The following ZNF98 variants were observed in gnomAD, a reference collection of about 807,000 sequenced individuals.
The protein encoded by ZNF98 is zinc finger protein 98.
ZNF98 carries 8 observed loss-of-function variants against 12.8 expected under a neutral mutation model. The ratio of observed to expected loss-of-function variants is 0.63; its 90% CI spans 0.37 to 1.13. ZNF98 has a LOEUF of 1.13. ZNF98 is among the 50% of genes most tolerant of loss of function. The pLI, the probability that ZNF98 is intolerant of heterozygous loss-of-function variation, is 0.01. For synonymous variants in ZNF98, 112 were observed against 223.5 expected (o/e 0.50, Z 4.45); for missense variants, 379 against 666.1 (o/e 0.57, Z 4.74).
intron 3 of ZNF98, among the ~76,000 whole-genome samples, chr19:22,399,973 G>T (rs188075119): frequency 9.8e-5 from 15 of 152,316 alleles, no homozygotes; most frequent in Non-Finnish European, 1.9e-4. Flanking sequence ...GGAGGGAGTT[G>T]TGAAACTCTG....
At chr19:22,397,644 C>T (rs1357141990) in intron 3 of ZNF98, among the ~76,000 whole-genome samples, 1 of 148,064 alleles carries the variant, frequency 6.8e-6, no homozygotes, top group African/African-American at 2.5e-5. Context: ...AAACAACACA[C>T]TCTTGAGCAT....
chr19:22,410,516 C>T (rs534938758), intron 1 of ZNF98, among the ~76,000 whole-genome samples: 4 of 152,082 alleles, frequency 2.6e-5, no homozygotes, highest in Admixed American at 2.0e-4. Flanking sequence ...AACCAAAAAC[C>T]GCATGTTCTC....
At chr19:22,412,424 G>A (rs1267416530) in intron 1 of ZNF98, among the ~76,000 whole-genome samples, 1 of 152,114 alleles carries the variant, frequency 6.6e-6, no homozygotes, top group Non-Finnish European at 1.5e-5. Context: ...AGCTAAGGCA[G>A]TGTTAGGAGA....
chr19:22,412,736 A>G (rs1969593051), intron 1 of ZNF98, among the ~76,000 whole-genome samples: 2 of 151,972 alleles, frequency 1.3e-5, no homozygotes, highest in African/African-American at 4.8e-5. Context: ...AGTAGGGTTT[A>G]TTTTTGGGAT....
At chr19:22,408,353 A>G (rs1969545161) in intron 1 of ZNF98, among the ~76,000 whole-genome samples, 1 of 152,198 alleles carries the variant, frequency 6.6e-6, no homozygotes, top group Non-Finnish European at 1.5e-5. Context: ...GAATGGGAAA[A>G]TGCTGGAAGC....
At chr19:22,414,821 C>A (rs1969622279) in intron 1 of ZNF98, among the ~76,000 whole-genome samples, 1 of 151,820 alleles carries the variant, frequency 6.6e-6, no homozygotes, top group African/African-American at 2.4e-5. Flanking sequence ...CAGAAGCCGG[C>A]AAAAATTTTA....
At position 22,393,162 on chromosome 19, in the gene ZNF98, A is replaced by G. The variant is rs987435836; in HGVS notation, c.254-181T>C. On this transcript the variant is annotated intron_variant, in intron 3 of 3. Coordinates refer to ENST00000357774, the MANE Select transcript of ZNF98 (RefSeq NM_001098626.2). ...GAACAAATTACATTTCTGAAAAATTAAAGTAAGTTAAGTGTGTGCAGTGCC... is the reference window on the plus strand; with the variant it reads ...GAACAAATTACATTTCTGAAAAATTGAAGTAAGTTAAGTGTGTGCAGTGCC... Among the ~76,000 whole-genome samples the G allele has an allele frequency of 6.6e-5, 10 of 152,194 alleles. No homozygotes were observed. The East Asian group carries it at 1.7e-3, about 26-fold the overall frequency.
At chr19:22,398,317 A>G (rs922079412) in intron 3 of ZNF98, among the ~76,000 whole-genome samples, 8 of 151,956 alleles carry the variant, frequency 5.3e-5, no homozygotes, top group African/African-American at 1.9e-4. Context: ...GTGTATTGTA[A>G]ACTTTCTAGA....
At chr19:22,398,524 C>T (rs369564275) in intron 3 of ZNF98, among the ~76,000 whole-genome samples, 2 of 151,742 alleles carry the variant, frequency 1.3e-5, no homozygotes, top group Non-Finnish European at 2.9e-5. Flanking sequence ...TGTCTGGCTA[C>T]GTTTTAAAAT....
intron 1 of ZNF98, among the ~76,000 whole-genome samples, chr19:22,415,326 C>G (rs1969627955): frequency 6.6e-6 from 1 of 152,150 alleles, no homozygotes. Flanking sequence ...AACAGAATTA[C>G]CTGTTGACCC....
chr19:22,415,806 AGGC>A (rs1324230776), intron 1 of ZNF98, among the ~76,000 whole-genome samples: 1 of 151,592 alleles, frequency 6.6e-6, no homozygotes, highest in Non-Finnish European at 1.5e-5. Flanking sequence ...ATAAAATAAA[AGGC>A]TTAGGCCAGG....
chr19:22,419,673 C>T (rs1355657871), intron 1 of ZNF98, among the ~76,000 whole-genome samples: 1 of 152,106 alleles, frequency 6.6e-6, no homozygotes, highest in African/African-American at 2.4e-5. Context: ...GTATCAATTC[C>T]TTTCAGACAA....
intron 3 of ZNF98, among the ~76,000 whole-genome samples, chr19:22,400,906 C>T (rs1229278502): frequency 1.4e-5 from 2 of 143,222 alleles, no homozygotes; most frequent in African/African-American, 5.2e-5. Context: ...TGAGCCGAGG[C>T]CGCGCCACTG....
At chr19:22,399,362 A>G (rs1969432404) in intron 3 of ZNF98, among the ~76,000 whole-genome samples, 1 of 152,226 alleles carries the variant, frequency 6.6e-6, no homozygotes. Flanking sequence ...TTTAATAAAT[A>G]AGATCATTTC....
At chr19:22,413,036 G>C (rs1969596943) in intron 1 of ZNF98, among the ~76,000 whole-genome samples, 1 of 151,864 alleles carries the variant, frequency 6.6e-6, no homozygotes, top group Non-Finnish European at 1.5e-5. Flanking sequence ...CTGGGTGACA[G>C]AGCGAGACTC....
chr19:22,419,047 A>AAAACATT (rs1477578642), intron 1 of ZNF98, among the ~76,000 whole-genome samples: 1 of 152,186 alleles, frequency 6.6e-6, no homozygotes, highest in East Asian at 1.9e-4. Flanking sequence ...AGTTCGAGGT[A>AAAACATT]AAACATTAAT....
chr19:22,402,768 T>C, intron 3 of ZNF98, 21 bp downstream of exon 3: 1 of 1,570,332 alleles, frequency 6.4e-7, no homozygotes, highest in African/African-American at 1.4e-5. Context: ...GTCTGTTGTA[T>C]TCACTTTCAC....
At chr19:22,415,089 T>TC (rs1969625219) in intron 1 of ZNF98, among the ~76,000 whole-genome samples, 1 of 151,410 alleles carries the variant, frequency 6.6e-6, no homozygotes, top group African/African-American at 2.4e-5. Context: ...GATTTTTTTT[T>TC]CAAAGAAGAC....
At chr19:22,417,567 T>C (rs1021642022) in intron 1 of ZNF98, among the ~76,000 whole-genome samples, 2 of 152,128 alleles carry the variant, frequency 1.3e-5, no homozygotes, top group African/African-American at 2.4e-5. Context: ...GGTAGAGGTA[T>C]ACTCTGATGG....
Sources: allele counts gnomAD v4.1 joint callset (sites outside exome capture counted in the v4.1 genomes callset), GRCh38; gene constraint gnomAD v4.1.1; transcripts MANE v1.5; gene names NCBI Gene and HGNC (gene_info 2026-07-23, HGNC 2026-07-21).